TACC2: variants seen among roughly 807,000 people sequenced by gnomAD.
The protein encoded by TACC2 is transforming acidic coiled-coil containing protein 2.
Under a neutral mutation model 227.3 loss-of-function variants are expected in TACC2, and 137 were observed. That is an observed-to-expected ratio of 0.60 (90% CI 0.52 to 0.69). The LOEUF is 0.69. Ranked by LOEUF, TACC2 falls within the 30% of genes least tolerant of loss-of-function variation. TACC2 has a pLI of 0.00. For missense variants in TACC2, 3,470 were observed against 3,694.4 expected (o/e 0.94, Z 1.57); for synonymous variants, 1,523 against 1,487.5 (o/e 1.02, Z -0.55).
At position 122,087,927 on chromosome 10, in the gene TACC2, A is replaced by G. The variant is rs2080264745; in HGVS notation, c.5427A>G (p.Gln1809=). ...EPDETHDPKL[Q]HLAPEELHTD... ...ACGAAACTCACGACCCGAAGCTGCAACATTTGGCTCCAGAAGAGCTCCACA... is the reference window on the plus strand; with the variant it reads ...ACGAAACTCACGACCCGAAGCTGCAGCATTTGGCTCCAGAAGAGCTCCACA... The change falls in exon 4 of 23, where the codon CAA becomes CAG. Residue 1809 remains glutamine (Q), a synonymous_variant. Transcript: ENST00000369005. The G allele has an allele frequency of 2.6e-6, 4 of 1,510,474 alleles. No individual in the cohort carries two copies. The highest frequency in any genetic ancestry group is 2.7e-5 in the South Asian group (2 of 74,294). The allele number at this position is 1,510,474 out of a possible 1,614,324, so 93.6% of individuals were successfully genotyped here.
intron 5 of TACC2, among the ~76,000 whole-genome samples, chr10:122,094,174 T>G (rs2081127743): frequency 6.6e-6 from 1 of 152,238 alleles, no homozygotes; most frequent in Non-Finnish European, 1.5e-5. Context: ...CCTTTGGAAA[T>G]GCAGCCTTTA....
intron 5 of TACC2, among the ~76,000 whole-genome samples, chr10:122,120,543 G>A (rs1380510868): frequency 3.3e-5 from 5 of 152,068 alleles, no homozygotes; most frequent in Admixed American, 3.3e-4. Flanking sequence ...CCTCTTTGTC[G>A]CACATCATGA....
At chr10:122,144,458 G>A (rs1393878120) in intron 7 of TACC2, among the ~76,000 whole-genome samples, 3 of 152,166 alleles carry the variant, frequency 2.0e-5, no homozygotes, top group Admixed American at 2.0e-4. Flanking sequence ...AGCATTCTTG[G>A]ACAGTATTTT....
At chr10:122,009,062 G>A (rs942075334) in intron 1 of TACC2, among the ~76,000 whole-genome samples, 6 of 152,214 alleles carry the variant, frequency 3.9e-5, no homozygotes, top group African/African-American at 1.4e-4. Flanking sequence ...CTAGGGAACT[G>A]GGTCTACCTT....
At chr10:122,165,301 A>G (rs1430983703) in intron 7 of TACC2, among the ~76,000 whole-genome samples, 4 of 152,180 alleles carry the variant, frequency 2.6e-5, no homozygotes, top group Non-Finnish European at 5.9e-5. Flanking sequence ...GCAAGTCCCT[A>G]TAGTGGAATT....
At chr10:122,003,907 C>T (rs1954734986) in intron 1 of TACC2, among the ~76,000 whole-genome samples, 1 of 152,026 alleles carries the variant, frequency 6.6e-6, no homozygotes. Flanking sequence ...CTGCCTGCCT[C>T]AGCCTCCCAA....
At chr10:122,105,529 T>C (rs1592059629) in intron 5 of TACC2, among the ~76,000 whole-genome samples, 1 of 152,174 alleles carries the variant, frequency 6.6e-6, no homozygotes, top group Non-Finnish European at 1.5e-5. Flanking sequence ...GAACTCTGAC[T>C]GTACCTGGTG....
chr10:122,059,062 TGTTGTTG>T (rs1399117166), intron 3 of TACC2, among the ~76,000 whole-genome samples: 1 of 86,920 alleles, frequency 1.2e-5, no homozygotes, highest in Non-Finnish European at 2.4e-5. Flanking sequence ...CTGGCTAATT[TGTTGTTG>T]TTGTTGTTGT....
At chr10:122,058,768 C>A (rs915671121) in intron 3 of TACC2, among the ~76,000 whole-genome samples, 3 of 152,108 alleles carry the variant, frequency 2.0e-5, no homozygotes, top group African/African-American at 7.2e-5. Flanking sequence ...CATGATTCTT[C>A]AGTTGACAAG....
intron 7 of TACC2, among the ~76,000 whole-genome samples, chr10:122,155,996 C>T (rs868044025): frequency 4.0e-4 from 60 of 151,776 alleles, no homozygotes; most frequent in African/African-American, 1.4e-3. Flanking sequence ...CGCCACCACG[C>T]CCGGCTAATT....
chr10:122,032,972 A>C (rs868229731), intron 2 of TACC2: 1 of 460,902 alleles, frequency 2.2e-6, no homozygotes, highest in Non-Finnish European at 3.8e-6. Flanking sequence ...CAAAACAACA[A>C]AACAACAACA....
rs989730672 is a variant in TACC2, at chr10:122,158,784, A to G, written c.5834+15078A>G. Among the ~76,000 whole-genome samples, 3 of 152,396 alleles carry G rather than the reference A, an allele frequency of 2.0e-5. No homozygotes were observed. The East Asian group carries it at 5.8e-4, about 29-fold the overall frequency. On this transcript the variant is annotated intron_variant, in intron 7 of 22. Transcript: ENST00000369005. ...TGAGCAGGTGAGATTTAATGTTGGC[A>G]TGTAAGAGGTTAACAGAATATCTGT...
chr10:122,216,683 C>T lies in TACC2; in HGVS notation c.7401C>T (p.His2467=), dbSNP rs139131571. ...CACCAGTGATCTCTGCGGTGGTCCA[C>T]GCCACAGATGAGGAAAAGCTGGCGG... The part of the protein sequence containing the change: ...ETPPVISAVV[H]ATDEEKLAVT... The change falls in exon 11 of 23, where the codon CAC becomes CAT. Residue 2467 remains histidine (H), a synonymous_variant. Coordinates refer to ENST00000369005, the MANE Select transcript of TACC2 (RefSeq NM_206862.4). The T allele has an allele frequency of 4.6e-5, 74 of 1,613,958 alleles. No homozygotes were observed. The highest frequency in any genetic ancestry group is 1.2e-4 in the Admixed American group (7 of 59,994).
At chr10:122,097,647 T>C (rs1388114109) in intron 5 of TACC2, among the ~76,000 whole-genome samples, 1 of 151,898 alleles carries the variant, frequency 6.6e-6, no homozygotes, top group Non-Finnish European at 1.5e-5. Context: ...CGGCCGGAGT[T>C]TAAATCCTGG....
At chr10:122,118,456 C>T (rs544217919) in intron 5 of TACC2, among the ~76,000 whole-genome samples, 4 of 152,310 alleles carry the variant, frequency 2.6e-5, no homozygotes, top group South Asian at 4.1e-4. Flanking sequence ...ACAACCCCTG[C>T]GTCATTGCTC....
chr10:122,008,226 T>C (rs1195823736), intron 1 of TACC2, among the ~76,000 whole-genome samples: 2 of 150,160 alleles, frequency 1.3e-5, no homozygotes, highest in Non-Finnish European at 3.0e-5. Context: ...GGCTGTCCTT[T>C]GAATTCTGTC....
chr10:122,162,696 T>G (rs951363498), intron 7 of TACC2, among the ~76,000 whole-genome samples: 2 of 152,174 alleles, frequency 1.3e-5, no homozygotes, highest in Non-Finnish European at 2.9e-5. Context: ...GACAGGGATT[T>G]GGCTGCTGAT....
At chr10:122,128,442 G>A (rs551100964) in intron 5 of TACC2, among the ~76,000 whole-genome samples, 1 of 152,322 alleles carries the variant, frequency 6.6e-6, no homozygotes, top group East Asian at 1.9e-4. Context: ...ATGCCATCAC[G>A]TAGAATATGT....
chr10:122,226,406 T>C lies in TACC2; in HGVS notation c.7649T>C (p.Met2550Thr). The change falls in exon 13 of 23, where the codon ATG becomes ACG. Residue 2550 changes from methionine (M) to threonine (T), a missense_variant. Transcript: ENST00000369005. Reference protein sequence around the residue: ...DAPKKQALYLMFDTSQESPVK... With the variant: ...DAPKKQALYLTFDTSQESPVK... ...CCGAAGAAGCAGGCCTTGTACCTTATGTTTGACACTTCTCAGGAGAGCCCT... is the reference window on the plus strand; with the variant it reads ...CCGAAGAAGCAGGCCTTGTACCTTACGTTTGACACTTCTCAGGAGAGCCCT... 6.2e-7 allele frequency: 1 copy of C among 1,614,140 alleles called. No homozygotes were observed.
Sources: gnomAD v4.1 joint callset for allele counts (sites outside exome capture counted in the v4.1 genomes callset) on GRCh38, gnomAD v4.1.1 for gene constraint, MANE v1.5 for transcripts, NCBI Gene and HGNC (gene_info 2026-07-23, HGNC 2026-07-21) for gene names.